ATG9B: variants seen among roughly 807,000 people sequenced by gnomAD.
The protein encoded by ATG9B is autophagy-related protein 9B.
Under a neutral mutation model 92.9 loss-of-function variants are expected in ATG9B, and 92 were observed. The ratio of observed to expected loss-of-function variants is 0.99; its 90% CI spans 0.84 to 1.18. ATG9B has a LOEUF of 1.18. Ranked by LOEUF, ATG9B falls within the 50% of genes most tolerant of loss-of-function variation. ATG9B has a pLI of 0.00. For missense variants in ATG9B, 1,344 were observed against 1,235.0 expected (o/e 1.09, Z -1.32); for synonymous variants, 599 against 551.4 (o/e 1.09, Z -1.21).
downstream of ATG9B, chr7:151,013,394 G>A (rs771332707): frequency 3.0e-5 from 48 of 1,604,910 alleles, no homozygotes; most frequent in East Asian, 1.1e-3. Flanking sequence ...GAGACCCTGA[G>A]GGCGCAATGG....
At chr7:151,019,727 A>C in intron 5 of ATG9B, 1 of 234,388 alleles carries the variant, frequency 4.3e-6, no homozygotes. Flanking sequence ...TGTACACACA[A>C]AACAGACTGG....
At chr7:151,017,374 C>T (rs1795545186) in intron 8 of ATG9B, 102 bp from the exon 9 acceptor site, 2 of 1,156,984 alleles carry the variant, frequency 1.7e-6, no homozygotes, top group South Asian at 1.5e-5. Context: ...GGAAACAGAC[C>T]ACAATGGGGA....
chr7:151,013,798 CATGTTTGTCTGCGGCG>C, downstream of ATG9B: 1 of 1,610,982 alleles, frequency 6.2e-7, no homozygotes, highest in Admixed American at 1.7e-5. Context: ...AGCGGGGCCA[CATGTTTGTCTGCGGCG>C]ATGTTACCAT....
chr7:151,012,890 G>A, downstream of ATG9B: 1 of 361,076 alleles, frequency 2.8e-6, no homozygotes. Context: ...TGACTGGGAG[G>A]AGAGTTATAA....
Position 151,016,836 on chromosome 7 carries a change from A to T in ATG9B, c.2290-15T>A, listed in dbSNP as rs774447411. 2.5e-6 allele frequency: 4 copies of T among 1,594,538 alleles called. No individual in the cohort carries two copies. Among genetic ancestry groups the T allele is most frequent in the Non-Finnish European group, 3.4e-6 (4 of 1,171,030 alleles). On this transcript the variant is annotated splice_polypyrimidine_tract_variant and intron_variant, in intron 9 of 13. Transcript: ENST00000639579. ...AAGGCCTCAGGCTGGGTGCAAGAGG[A>T]GAGGGAAAGCCAAAGAGGGAGTCAG...
In ATG9B at chr7:151,019,008, C is replaced by T. The variant is rs374334923; in HGVS notation, c.1330G>A (p.Ala444Thr). 6.8e-5 allele frequency: 106 copies of T among 1,561,880 alleles called. No individual in the cohort carries two copies. The highest frequency in any genetic ancestry group is 8.8e-5 in the Non-Finnish European group (102 of 1,159,174). Reference sequence around the variant, plus strand: ...AGCGGGCTCAGCGCCAGGTTCAGGGCGGCCAGCAGCAGCACTGTGCGCCCC... The same window carrying T: ...AGCGGGCTCAGCGCCAGGTTCAGGGTGGCCAGCAGCAGCACTGTGCGCCCC... ...RWGRTVLLLA[A>T]LNLALSPLVL... The change falls in exon 6 of 14, where the codon GCC (alanine) becomes ACC (threonine). Residue 444 changes from alanine to threonine, a missense_variant. Coordinates refer to ENST00000639579, the MANE Select transcript of ATG9B (RefSeq NM_001317056.2).
At chr7:151,013,474 G>A (rs566105846), downstream of ATG9B, 10 of 1,462,768 alleles carry the variant, frequency 6.8e-6, no homozygotes, top group African/African-American at 7.0e-5. Context: ...CGGCCCTCCC[G>A]TGGCCTCCCA....
chr7:151,023,026 C>T lies in ATG9B; in HGVS notation c.821+19G>A. 1 of 1,614,002 alleles carries T rather than the reference C, an allele frequency of 6.2e-7. No individual in the cohort carries two copies. Among genetic ancestry groups the T allele is most frequent in the Non-Finnish European group, 8.5e-7 (1 of 1,179,978 alleles). ...CTGCCCATGCTTCACCCCCAGGGCC[C>T]CACCAGGTTGTCACTAACCTCTCAG... On this transcript the variant is annotated intron_variant, in intron 4 of 13. Transcript: ENST00000639579.
rs1795870714 is a variant in ATG9B at position 151,024,262 on chromosome 7, G to A, written c.162C>T (p.Ser54=). The A allele has an allele frequency of 6.8e-7, 1 of 1,460,880 alleles. No homozygotes were observed. The highest frequency in any genetic ancestry group is 9.1e-7 in the Non-Finnish European group (1 of 1,104,162). The allele number at this position is 1,460,880 out of a possible 1,614,324, so 90.5% of individuals were successfully genotyped here. The change falls in exon 1 of 14, where the codon TCC becomes TCT. Residue 54 remains serine, a synonymous_variant. Transcript: ENST00000639579. ...GGGRISIFSL[S]PAPHTRSSPS... Reference sequence around the variant, plus strand: ...GGGAGCTTCTTGTATGAGGGGCAGGGGACAGAGAGAAGATGGAGATCCTCC... The same window carrying A: ...GGGAGCTTCTTGTATGAGGGGCAGGAGACAGAGAGAAGATGGAGATCCTCC...
At chr7:151,021,738 C>A (rs1480781526) in intron 4 of ATG9B, among the ~76,000 whole-genome samples, 1 of 151,766 alleles carries the variant, frequency 6.6e-6, no homozygotes, top group Non-Finnish European at 1.5e-5. Context: ...CAACCTCCAC[C>A]TCCCGGGTTC....
Position 151,024,301 on chromosome 7 carries a change from C to G in ATG9B, c.123G>C (p.Arg41=). 1 of 1,426,188 alleles carries G rather than the reference C, an allele frequency of 7.0e-7. No individual in the cohort carries two copies. The highest frequency in any genetic ancestry group is 1.9e-4 in the Middle Eastern group (1 of 5,346). The allele number at this position is 1,426,188 out of a possible 1,614,324, so 88.3% of individuals were successfully genotyped here. A position where few individuals can be genotyped will look rare whatever the true frequency, so the allele number is the denominator to read the frequency against. Reference sequence around the variant, plus strand: ...TGGAGATCCTCCCTCCCCCAGGTCCCCGGCATGAAGGAGGAGGAGGAGGTG... The same window carrying G: ...TGGAGATCCTCCCTCCCCCAGGTCCGCGGCATGAAGGAGGAGGAGGAGGTG... ...PLPPPPPPSC[R]GPGGGRISIF... Residue 41 remains arginine (R), a synonymous_variant, in exon 1 of 14, where the codon CGG becomes CGC. Coordinates refer to ENST00000639579, the MANE Select transcript of ATG9B (RefSeq NM_001317056.2).
chr7:151,023,139 C>G lies in ATG9B; in HGVS notation c.727G>C (p.Ala243Pro). 6.2e-7 allele frequency: 1 copy of G among 1,614,076 alleles called. No homozygotes were observed. Among genetic ancestry groups the G allele is most frequent in the Non-Finnish European group, 8.5e-7 (1 of 1,180,020 alleles). The change falls in exon 4 of 14, where the codon GCC (alanine) becomes CCC (proline). Residue 243 changes from alanine to proline, a missense_variant. By Grantham distance (27) the Ala-to-Pro change is conservative. Coordinates refer to ENST00000639579, the MANE Select transcript of ATG9B (RefSeq NM_001317056.2). ...CTGGTATGGTTACTTGGTTGGTTGG[C>G]AAAGAGAACATTGTAATCCACGCAT... ...LRCVDYNVLF[A>P]NQPSNHTRPG...
At chr7:151,013,652 C>G, downstream of ATG9B, 1 of 1,373,868 alleles carries the variant, frequency 7.3e-7, no homozygotes, top group East Asian at 2.5e-5. Context: ...CGTCCAGGGC[C>G]AGCCAGCAGC....
intron 4 of ATG9B, 140 bp downstream of exon 4, chr7:151,022,905 A>T: frequency 1.0e-6 from 1 of 997,324 alleles, no homozygotes; most frequent in Admixed American, 2.2e-5. Flanking sequence ...AACTTAAAGT[A>T]TATTAAGTGT....
Position 151,019,036 on chromosome 7 carries a change from G to A in ATG9B, c.1302C>T (p.Arg434=). The A allele has an allele frequency of 8.4e-6, 13 of 1,544,092 alleles. No individual in the cohort carries two copies. The highest frequency in any genetic ancestry group is 1.1e-5 in the Non-Finnish European group (13 of 1,150,032). The change falls in exon 6 of 14, where the codon CGC becomes CGT. Residue 434 remains arginine (R), a synonymous_variant. Transcript: ENST00000639579. ...CCAGCAGCAGCACTGTGCGCCCCCA[G>A]CGCGCTGCTAGGGCGCCCCGCTGGT... ...RSDQRGALAA[R]WGRTVLLLAA...
Position 151,018,657 on chromosome 7 carries a change from C to G in ATG9B, c.1681G>C (p.Ala561Pro), listed in dbSNP as rs376091617. 1 of 1,607,116 alleles carries G rather than the reference C, an allele frequency of 6.2e-7. No individual in the cohort carries two copies. Among genetic ancestry groups the G allele is most frequent in the African/African-American group, 1.3e-5 (1 of 74,596 alleles). The change falls in exon 6 of 14, where the codon GCC (alanine) becomes CCC (proline). Residue 561 changes from alanine to proline, a missense_variant. Physicochemically the swap from Ala to Pro is conservative, Grantham distance 27. Transcript: ENST00000639579. This position sits in a 1 kb window ranked among gnomAD's most constrained non-coding sequence, Gnocchi z 4.7. ...DVLAVEHVLT[A>P]MTALGVTATV... is the part of the protein sequence containing the mutation. ...GCGGTGACCCCGAGCGCGGTCATGG[C>G]GGTGAGCACGTGCTCCACGGCTAGC...
chr7:151,022,162 T>C (rs1406430913), intron 4 of ATG9B, among the ~76,000 whole-genome samples: 2 of 148,088 alleles, frequency 1.4e-5, no homozygotes, highest in Non-Finnish European at 3.0e-5. Flanking sequence ...GGGAGGAAGG[T>C]TGTGAAGGCA....
At chr7:151,013,099 G>T, downstream of ATG9B, 1 of 974,918 alleles carries the variant, frequency 1.0e-6, no homozygotes, top group Non-Finnish European at 1.5e-6. Flanking sequence ...TCTTAGAGAT[G>T]AAACAGCCAA....
At chr7:151,013,782 G>A, downstream of ATG9B, 2 of 1,611,550 alleles carry the variant, frequency 1.2e-6, no homozygotes, top group Non-Finnish European at 1.7e-6. Context: ...CGCGTGCTGT[G>A]CCTCGAGCGG....
Sources: allele counts gnomAD v4.1 joint callset (sites outside exome capture counted in the v4.1 genomes callset), GRCh38; gene constraint gnomAD v4.1.1; non-coding constraint Gnocchi (gnomAD v3.1); transcripts MANE v1.5; gene names NCBI Gene and HGNC (gene_info 2026-07-23, HGNC 2026-07-21).